The following ADGRL2 variants were observed in gnomAD, a reference collection of about 807,000 sequenced individuals.
The protein encoded by ADGRL2 is adhesion G protein-coupled receptor L2.
ADGRL2 carries 44 observed loss-of-function variants against 157.4 expected under a neutral mutation model. The observed-to-expected ratio is 0.28, with a 90% CI of 0.22 to 0.36. ADGRL2 has a LOEUF of 0.36. Ranked by LOEUF, ADGRL2 falls within the 10% of genes least tolerant of loss-of-function variation. The probability of loss-of-function intolerance (pLI) is 1.00; values close to 1 mark genes in which losing one functional copy is unlikely to be tolerated. For missense variants in ADGRL2, 1,510 were observed against 1,768.9 expected (o/e 0.85, Z 2.63); for synonymous variants, 585 against 624.7 (o/e 0.94, Z 0.95).
intron 2 of ADGRL2, among the ~76,000 whole-genome samples, chr1:81,853,397 G>A (rs2093087327): frequency 6.6e-6 from 1 of 152,112 alleles, no homozygotes; most frequent in African/African-American, 2.4e-5. Context: ...ACAGAACACT[G>A]AAAACACCTA....
chr1:81,810,764 A>G (rs1263773784), intron 1 of ADGRL2, among the ~76,000 whole-genome samples: 1 of 151,920 alleles, frequency 6.6e-6, no homozygotes, highest in Non-Finnish European at 1.5e-5. Flanking sequence ...AAAATAATAC[A>G]TCTCTCCAAT....
intron 1 of ADGRL2, among the ~76,000 whole-genome samples, chr1:81,356,564 A>G (rs1663304711): frequency 6.6e-6 from 1 of 152,174 alleles, no homozygotes. Context: ...TTTTCTCTGC[A>G]TTATGAAGTG....
chr1:81,856,124 G>A (rs1262852070), intron 2 of ADGRL2, among the ~76,000 whole-genome samples: 1 of 152,182 alleles, frequency 6.6e-6, no homozygotes. Flanking sequence ...ATAATCTGAA[G>A]CAGCAGGTGC....
At chr1:81,822,423 A>G (rs1254225206) in intron 1 of ADGRL2, among the ~76,000 whole-genome samples, 1 of 151,548 alleles carries the variant, frequency 6.6e-6, no homozygotes, top group Admixed American at 6.6e-5. Flanking sequence ...TTTTAATATT[A>G]AAATTCTAAT....
chr1:81,991,290 G>T lies in ADGRL2; in HGVS notation c.*145G>T. The T allele has an allele frequency of 1.5e-6, 1 of 665,578 alleles. No homozygotes were observed. Among genetic ancestry groups the T allele is most frequent in the Non-Finnish European group, 2.5e-6 (1 of 403,236 alleles). 41.2% of individuals were successfully genotyped at this position (665,578 alleles called of 1,614,324 possible). On this transcript the variant is annotated 3_prime_UTR_variant, in exon 24 of 24. Coordinates refer to ENST00000686636, the MANE Select transcript of ADGRL2 (RefSeq NM_001366006.2). ...GGTGTAAAAAAGATGACTGAACCTT[G>T]CAGTTCTGTGAATTTTTATAAAACA...
At chr1:81,488,833 CTAGA>C (rs1206191422) in intron 2 of ADGRL2, among the ~76,000 whole-genome samples, 3 of 151,848 alleles carry the variant, frequency 2.0e-5, no homozygotes, top group Non-Finnish European at 4.4e-5. Context: ...CTGATGTCTA[CTAGA>C]TAAAGACTTT....
In ADGRL2 at chr1:81,952,108, G is replaced by A. The variant is rs767408547; in HGVS notation, c.1760G>A (p.Ser587Asn). 7 of 1,612,666 alleles carry A rather than the reference G, an allele frequency of 4.3e-6. No individual in the cohort carries two copies. The highest frequency in any genetic ancestry group is 1.7e-5 in the Admixed American group (1 of 59,860). ...LDAQLQELKP[S>N]EKDSAGRSYN... ...GCACAGCTGCAGGAACTGAAACCTA[G>A]TGAAAAAGATTCAGCTGGACGGAGT... Residue 587 changes from serine (S) to asparagine (N), a missense_variant, in exon 9 of 24, where the codon AGT (serine) becomes AAT (asparagine). Physicochemically the swap from Ser to Asn is conservative, Grantham distance 46. Coordinates refer to ENST00000686636, the MANE Select transcript of ADGRL2 (RefSeq NM_001366006.2).
intron 3 of ADGRL2, among the ~76,000 whole-genome samples, chr1:81,692,775 T>C (rs976169173): frequency 2.0e-5 from 3 of 152,198 alleles, no homozygotes; most frequent in Non-Finnish European, 2.9e-5. Flanking sequence ...TAATATTTAA[T>C]AAAACATTCA....
chr1:81,940,796 T>G (rs2148918950), intron 4 of ADGRL2, among the ~76,000 whole-genome samples: 1 of 151,708 alleles, frequency 6.6e-6, no homozygotes, highest in East Asian at 1.9e-4. Context: ...TTTATGAAAT[T>G]TAGGCAACAT....
chr1:81,650,928 A>G (rs1300317934), intron 3 of ADGRL2, among the ~76,000 whole-genome samples: 1 of 152,074 alleles, frequency 6.6e-6, no homozygotes, highest in East Asian at 1.9e-4. Flanking sequence ...TTCTATTTGC[A>G]GTTTTTGCCC....
At chr1:81,580,143 C>T (rs1010771900) in intron 2 of ADGRL2, among the ~76,000 whole-genome samples, 3 of 152,090 alleles carry the variant, frequency 2.0e-5, no homozygotes, top group Admixed American at 2.0e-4. Flanking sequence ...CCAGACTTAA[C>T]CATAGAGAAG....
At chr1:81,596,455 G>T in intron 3 of ADGRL2, 1 of 452,216 alleles carries the variant, frequency 2.2e-6, no homozygotes, top group Non-Finnish European at 4.3e-6. Context: ...CGAATTCAGT[G>T]AATTGTCACC....
intron 1 of ADGRL2, among the ~76,000 whole-genome samples, chr1:81,404,390 T>C (rs947964818): frequency 5.3e-5 from 8 of 152,222 alleles, no homozygotes; most frequent in African/African-American, 1.9e-4. Context: ...CCAGATACTG[T>C]TCCAAGAACT....
At chr1:81,353,035 G>T (rs1477282113) in intron 1 of ADGRL2, among the ~76,000 whole-genome samples, 2 of 152,168 alleles carry the variant, frequency 1.3e-5, no homozygotes, top group African/African-American at 4.8e-5. Flanking sequence ...AATGTATAAT[G>T]AATGCTTGCT....
At chr1:81,728,030 T>C (rs922467328) in intron 1 of ADGRL2, among the ~76,000 whole-genome samples, 1 of 152,172 alleles carries the variant, frequency 6.6e-6, no homozygotes, top group Non-Finnish European at 1.5e-5. Flanking sequence ...TATTGGTATA[T>C]TTCTCATCAT....
At chr1:81,318,003 T>C (rs763096240) in intron 1 of ADGRL2, among the ~76,000 whole-genome samples, 22 of 152,072 alleles carry the variant, frequency 1.4e-4, no homozygotes, top group Non-Finnish European at 2.8e-4. Context: ...CATCTTTATG[T>C]TTACATCATT....
At chr1:81,817,955 G>C (rs1006510607) in intron 1 of ADGRL2, among the ~76,000 whole-genome samples, 1 of 151,992 alleles carries the variant, frequency 6.6e-6, no homozygotes, top group African/African-American at 2.4e-5. Context: ...CTTGAGGCCA[G>C]GAGTTCGAGA....
At chr1:81,360,743 G>C (rs1026574889) in intron 1 of ADGRL2, among the ~76,000 whole-genome samples, 1 of 151,366 alleles carries the variant, frequency 6.6e-6, no homozygotes, top group Non-Finnish European at 1.5e-5. Context: ...GAAGGAAGGA[G>C]GGAAAAAAGG....
intron 1 of ADGRL2, among the ~76,000 whole-genome samples, chr1:81,355,428 C>A (rs1418738884): frequency 1.3e-5 from 2 of 152,094 alleles, no homozygotes; most frequent in Non-Finnish European, 2.9e-5. Flanking sequence ...TATTTCCATA[C>A]AGATACATAT....
Sources: allele counts gnomAD v4.1 joint callset (sites outside exome capture counted in the v4.1 genomes callset), GRCh38; gene constraint gnomAD v4.1.1; transcripts MANE v1.5; gene names NCBI Gene and HGNC (gene_info 2026-07-23, HGNC 2026-07-21).